DMBT1: variants seen among roughly 807,000 people sequenced by gnomAD.
The protein encoded by DMBT1 is scavenger receptor cysteine-rich domain-containing protein DMBT1.
DMBT1 carries 198 observed loss-of-function variants against 252.9 expected under a neutral mutation model. The observed-to-expected ratio is 0.78, with a 90% CI of 0.70 to 0.88. DMBT1 has a LOEUF of 0.88. Among genes scored for constraint, DMBT1 ranks in the 40% least tolerant of loss-of-function variants. The probability of loss-of-function intolerance (pLI) is 0.00; values close to 1 mark genes in which losing one functional copy is unlikely to be tolerated. For synonymous variants in DMBT1, 990 were observed against 942.7 expected, an observed-to-expected ratio of 1.05 and a Z score of -0.92; for missense variants, 2,432 against 2,404.7, an observed-to-expected ratio of 1.01 and a Z score of -0.24.
At position 122,617,361 on chromosome 10, in the gene DMBT1, A is replaced by G. The variant is rs891234499; in HGVS notation, c.4891+101A>G. The G allele has an allele frequency of 2.1e-6, 3 of 1,408,144 alleles. 1 individual carries two copies. The highest frequency in any genetic ancestry group is 2.4e-5 in the South Asian group (2 of 83,928). The allele number at this position is 1,408,144 out of a possible 1,614,324, so 87.2% of individuals were successfully genotyped here. On this transcript the variant is annotated intron_variant, in intron 40 of 55. Transcript: ENST00000338354. ...GCTCAAGGTGGGCCCCTCTCTTTTC[A>G]TGTCCCTGTGGGTTGGGTGGGAGGA...
intron 10 of DMBT1, among the ~76,000 whole-genome samples, 200 bp from the exon 11 acceptor site, chr10:122,580,666 C>G (rs911845919): frequency 1.3e-5 from 2 of 151,932 alleles, no homozygotes; most frequent in African/African-American, 2.4e-5. Flanking sequence ...CACCTCAGAG[C>G]TGGCAATAGT....
intron 52 of DMBT1, 140 bp downstream of exon 52, chr10:122,633,481 C>G: frequency 7.0e-7 from 1 of 1,430,214 alleles, no homozygotes; most frequent in South Asian, 1.5e-5. Context: ...CTTAGAAAGC[C>G]AGGAGAGAAG....
chr10:122,626,801 G>T (rs1024791351), intron 46 of DMBT1, among the ~76,000 whole-genome samples: 2 of 152,240 alleles, frequency 1.3e-5, no homozygotes, highest in African/African-American at 4.8e-5. Flanking sequence ...CAAAGAGGAA[G>T]TATTAGTAGA....
Position 122,570,943 on chromosome 10 carries a change from G to A in DMBT1, c.187+6G>A, listed in dbSNP as rs3824677. The A allele has an allele frequency of 4.5e-3, 7,219 of 1,612,702 alleles. 359 individuals carry two copies. The East Asian group carries it at 0.11, about 25-fold the overall frequency. ...GGAGTCAACTGTAGCAGAAGGTAACGTCTACTATGGGGGATCCCTGTGGGC... is the reference window on the plus strand; with the variant it reads ...GGAGTCAACTGTAGCAGAAGGTAACATCTACTATGGGGGATCCCTGTGGGC... On this transcript the variant is annotated splice_donor_region_variant and intron_variant, in intron 4 of 55. Coordinates refer to ENST00000338354, the MANE Select transcript of DMBT1 (RefSeq NM_001377530.1).
intron 46 of DMBT1, among the ~76,000 whole-genome samples, chr10:122,626,596 T>C (rs1323071816): frequency 1.3e-5 from 2 of 152,232 alleles, no homozygotes; most frequent in Non-Finnish European, 2.9e-5. Flanking sequence ...TCATGCATAT[T>C]AACTTTTACT....
intron 44 of DMBT1, 28 bp from the exon 45 acceptor site, chr10:122,625,249 G>A (rs1199013388): frequency 1.2e-6 from 2 of 1,607,678 alleles, no homozygotes; most frequent in Non-Finnish European, 1.7e-6. Context: ...CACTGGGACT[G>A]ACTCATGTTT....
chr10:122,574,625 G>A (rs1272225292), intron 6 of DMBT1, among the ~76,000 whole-genome samples: 1 of 152,172 alleles, frequency 6.6e-6, no homozygotes, highest in Non-Finnish European at 1.5e-5. Flanking sequence ...TTCTGACTTA[G>A]CCATGTCCCT....
Position 122,577,592 on chromosome 10 carries a change from T to C in DMBT1, c.608-219T>C, listed in dbSNP as rs554054642. Among the ~76,000 whole-genome samples the C allele has an allele frequency of 3.9e-5, 6 of 152,282 alleles. No individual in the cohort carries two copies. In the South Asian group the frequency reaches 6.2e-4, roughly 16 times the overall value. ...GTCCCAGGCACCGAAGTGACCTTCATATCCCTGGAGAGTGAGCCACAGGCA... is the reference window on the plus strand; with the variant it reads ...GTCCCAGGCACCGAAGTGACCTTCACATCCCTGGAGAGTGAGCCACAGGCA... On this transcript the variant is annotated intron_variant, in intron 7 of 55. Coordinates refer to ENST00000338354, the MANE Select transcript of DMBT1 (RefSeq NM_001377530.1).
rs745712602 is a variant in DMBT1, at chr10:122,570,258, C to T, written c.139+49C>T. 34 of 1,385,530 alleles carry T rather than the reference C, an allele frequency of 2.5e-5. No individual in the cohort carries two copies. The East Asian group carries it at 5.7e-4, about 23-fold the overall frequency. The allele number at this position is 1,385,530 out of a possible 1,614,324, so 85.8% of individuals were successfully genotyped here. A position where few individuals can be genotyped will look rare whatever the true frequency, so the allele number is the denominator to read the frequency against. On this transcript the variant is annotated intron_variant, in intron 3 of 55. Transcript: ENST00000338354. ...CTGTGGGCTCATTACCCCACTGCAC[C>T]CCTAGGTTCATCTCTGATCCAGAAG...
At position 122,620,253 on chromosome 10, in the gene DMBT1, A is replaced by G. The variant is rs1349026307; in HGVS notation, c.5246A>G (p.Asp1749Gly). 2 of 1,613,876 alleles carry G rather than the reference A, an allele frequency of 1.2e-6. No individual in the cohort carries two copies. Among genetic ancestry groups the G allele is most frequent in the East Asian group, 4.5e-5 (2 of 44,870 alleles). The change falls in exon 43 of 56, where the codon GAT (aspartate) becomes GGT (glycine). Residue 1749 changes from aspartate (D) to glycine (G), a missense_variant and splice_region_variant. Asp to Gly is a moderately conservative substitution (Grantham distance 94). Coordinates refer to ENST00000338354, the MANE Select transcript of DMBT1 (RefSeq NM_001377530.1). ...AAQSQSTPRP[D>G]TWLTTNLPAL... is the part of the protein sequence containing the mutation. ...CCTTTCTCTTTGTTGCAATTTACAGATACTTGGCTGACCACCAACTTACCG... is the reference window on the plus strand; with the variant it reads ...CCTTTCTCTTTGTTGCAATTTACAGGTACTTGGCTGACCACCAACTTACCG...
At chr10:122,622,572 C>T (rs1297212952) in intron 44 of DMBT1, among the ~76,000 whole-genome samples, 1 of 152,160 alleles carries the variant, frequency 6.6e-6, no homozygotes, top group African/African-American at 2.4e-5. Flanking sequence ...AGTGGGCAGC[C>T]CCAAGTCTAT....
Position 122,632,266 on chromosome 10 carries a change from C to T in DMBT1, c.6367+391C>T, listed in dbSNP as rs572151029. Among the ~76,000 whole-genome samples the T allele has an allele frequency of 5.3e-5, 8 of 152,042 alleles. No homozygotes were observed. The South Asian group carries it at 1.7e-3, about 32-fold the overall frequency. On this transcript the variant is annotated intron_variant, in intron 50 of 55. Transcript: ENST00000338354. ...CACCTCTCCAACACCCCCCACTGCC[C>T]CGCCCCCTGCTTGCTTTGTCATCCC... is the stretch of plus-strand genomic sequence containing the variant.
chr10:122,576,257 C>A (rs933811690), intron 6 of DMBT1, 142 bp from the exon 7 acceptor site: 3 of 1,263,738 alleles, frequency 2.4e-6, no homozygotes, highest in Admixed American at 2.7e-5. Flanking sequence ...AGAACTCTAA[C>A]CTTAAGGCCT....
rs17103733 is a variant in DMBT1, at chr10:122,590,046, C to T, written c.2108-619C>T. On this transcript the variant is annotated intron_variant, in intron 17 of 55. Transcript: ENST00000338354. The stretch of plus-strand genomic sequence containing the variant: ...TGGAGCACATATAGGTGTTGGGGGA[C>T]GGACGATCTCACCGGGAGGAGTCCA... Among the ~76,000 whole-genome samples the T allele has an allele frequency of 6.3e-3, 929 of 148,288 alleles. 44 individuals carry two copies. Among genetic ancestry groups the T allele is most frequent in the African/African-American group, 0.021 (876 of 41,146 alleles).
intron 17 of DMBT1, 51 bp from the exon 18 acceptor site, chr10:122,590,613 GT>G: frequency 7.0e-6 from 11 of 1,577,744 alleles, no homozygotes; most frequent in Non-Finnish European, 9.5e-6. Flanking sequence ...CTTTGTTCTG[GT>G]TTTGCCAGCT....
rs189352915 is a variant in DMBT1, at chr10:122,598,347, G to A, written c.2956+335G>A. 3.5e-4 allele frequency among the ~76,000 whole-genome samples: 54 copies of A among 152,180 alleles called. 2 individuals are homozygous for A. Among genetic ancestry groups the A allele is most frequent in the South Asian group, 1.5e-3 (7 of 4,812 alleles). On this transcript the variant is annotated intron_variant, in intron 25 of 55. Coordinates refer to ENST00000338354, the MANE Select transcript of DMBT1 (RefSeq NM_001377530.1). ...ATGGGCTGCAGAGGTGTGAAGAGTCGGTGGAAGTGACTGTCCCCACACCTG... is the reference window on the plus strand; with the variant it reads ...ATGGGCTGCAGAGGTGTGAAGAGTCAGTGGAAGTGACTGTCCCCACACCTG...
At position 122,598,932 on chromosome 10, in the gene DMBT1, G is replaced by A; in HGVS notation, c.3115G>A (p.Ala1039Thr). The A allele has an allele frequency of 6.2e-7, 1 of 1,613,810 alleles. No individual in the cohort carries two copies. Among genetic ancestry groups the A allele is most frequent in the South Asian group, 1.1e-5 (1 of 91,074 alleles). The stretch of plus-strand genomic sequence containing the variant: ...CTGCAGGCAACTGGGCTGTGGCTGG[G>A]CCATGTCAGCCCCAGGAAATGCCCG... ...VVCRQLGCGWAMSAPGNARFG... is the reference protein window; with the variant it reads ...VVCRQLGCGWTMSAPGNARFG... Residue 1039 changes from alanine to threonine, a missense_variant, in exon 26 of 56, where the codon GCC becomes ACC. This residue lies in a region of DMBT1 where 1,264 missense variants were observed against 1,082.2 expected (regional missense o/e 1.17). Coordinates refer to ENST00000338354, the MANE Select transcript of DMBT1 (RefSeq NM_001377530.1).
chr10:122,625,789 C>A, intron 45 of DMBT1, 144 bp from the exon 46 acceptor site: 1 of 725,674 alleles, frequency 1.4e-6, no homozygotes, highest in Non-Finnish European at 2.5e-6. Context: ...ACCTTACTGG[C>A]CATGAACAGT....
intron 6 of DMBT1, among the ~76,000 whole-genome samples, chr10:122,574,260 T>A (rs536764787): frequency 2.6e-4 from 39 of 152,362 alleles, no homozygotes; most frequent in Non-Finnish European, 4.4e-4. Flanking sequence ...TCAGAGCTCA[T>A]GTACTTCCCC....
Sources: allele counts gnomAD v4.1 joint callset (sites outside exome capture counted in the v4.1 genomes callset), GRCh38; gene constraint gnomAD v4.1.1; regional missense constraint gnomAD v4.1.1; transcripts MANE v1.5; gene names NCBI Gene and HGNC (gene_info 2026-07-23, HGNC 2026-07-21).